The following ASTN2 variants were observed in gnomAD, a reference collection of about 807,000 sequenced individuals.
ASTN2 encodes astrotactin 2.
A neutral mutation model predicts 139.8 loss-of-function variants in ASTN2; 54 were observed. The observed-to-expected ratio is 0.39, with a 90% CI of 0.31 to 0.48. ASTN2 has a LOEUF of 0.48. Among genes scored for constraint, ASTN2 ranks in the 20% least tolerant of loss-of-function variants. The pLI, the probability that ASTN2 is intolerant of heterozygous loss-of-function variation, is 0.95. For missense variants in ASTN2, 1,565 were observed against 1,725.1 expected (o/e 0.91, Z 1.64); for synonymous variants, 756 against 719.5 (o/e 1.05, Z -0.81).
intron 16 of ASTN2, chr9:116,686,754 C>T (rs937346000): frequency 3.7e-5 from 58 of 1,550,514 alleles, no homozygotes; most frequent in Non-Finnish European, 4.2e-5. Context: ...CCTCTGCTGT[C>T]GGCCTCCCAG....
At chr9:117,088,494 C>T (rs1472978513) in intron 5 of ASTN2, among the ~76,000 whole-genome samples, 2 of 152,094 alleles carry the variant, frequency 1.3e-5, no homozygotes, top group Admixed American at 6.5e-5. Context: ...TCCTTTTCCT[C>T]GAAAACAGGA....
At chr9:116,924,919 C>G (rs1289282987) in intron 10 of ASTN2, among the ~76,000 whole-genome samples, 2 of 152,118 alleles carry the variant, frequency 1.3e-5, no homozygotes, top group African/African-American at 4.8e-5. Context: ...TTTTGCCCAG[C>G]CCCGACTCAA....
At chr9:116,813,018 T>A (rs920208289) in intron 12 of ASTN2, among the ~76,000 whole-genome samples, 2 of 152,180 alleles carry the variant, frequency 1.3e-5, no homozygotes, top group African/African-American at 4.8e-5. Context: ...TTGTTGGGTT[T>A]TTTTTAAATT....
Position 116,994,024 on chromosome 9 carries a change from GA to G in ASTN2, c.1591+14067del, listed in dbSNP as rs371087329. Among the ~76,000 whole-genome samples the G allele has an allele frequency of 5.9e-4, 89 of 151,810 alleles. 1 individual carries two copies. The highest frequency in any genetic ancestry group is 5.6e-3 in the East Asian group (29 of 5,164). ...CACATCCTGGTTAAATTGGGTGCTTGATAAATATATACTGAACGTTCAGTGA... is the reference window on the plus strand; with the variant it reads ...CACATCCTGGTTAAATTGGGTGCTTGTAAATATATACTGAACGTTCAGTGA... On this transcript the variant is annotated intron_variant, in intron 7 of 22. Transcript: ENST00000313400.
chr9:116,769,555 AAAG>A (rs1179782487), intron 13 of ASTN2, among the ~76,000 whole-genome samples: 1 of 152,310 alleles, frequency 6.6e-6, no homozygotes, highest in East Asian at 1.9e-4. Flanking sequence ...ACTTAAGTCA[AAAG>A]AAGAAGTTAT....
At chr9:116,866,262 A>T (rs892129854) in intron 10 of ASTN2, among the ~76,000 whole-genome samples, 1 of 152,224 alleles carries the variant, frequency 6.6e-6, no homozygotes, top group Non-Finnish European at 1.5e-5. Context: ...GCTTAGACGC[A>T]GTCTTCACCA....
chr9:116,696,546 A>T (rs1031423821), intron 16 of ASTN2, among the ~76,000 whole-genome samples: 1 of 152,054 alleles, frequency 6.6e-6, no homozygotes, highest in Non-Finnish European at 1.5e-5. Context: ...CCATGTATTT[A>T]TGCATCTTTC....
chr9:117,133,036 G>A (rs1285528182), intron 4 of ASTN2, among the ~76,000 whole-genome samples: 3 of 152,184 alleles, frequency 2.0e-5, no homozygotes, highest in African/African-American at 4.8e-5. Context: ...TCCTCCCTGA[G>A]TATCCATTGC....
At chr9:117,240,031 A>T (rs1343504744) in intron 2 of ASTN2, among the ~76,000 whole-genome samples, 3 of 152,246 alleles carry the variant, frequency 2.0e-5, no homozygotes, top group Admixed American at 2.0e-4. Flanking sequence ...AAATGCATTC[A>T]TTACCCCAAT....
At chr9:116,785,271 T>C (rs532470139) in intron 13 of ASTN2, among the ~76,000 whole-genome samples, 10 of 152,236 alleles carry the variant, frequency 6.6e-5, no homozygotes, top group Middle Eastern at 3.4e-3. Flanking sequence ...GGGCTCAGGC[T>C]CCTCTCTTCT....
At chr9:116,855,586 AAGT>A (rs1226030998) in intron 11 of ASTN2, among the ~76,000 whole-genome samples, 1 of 152,164 alleles carries the variant, frequency 6.6e-6, no homozygotes, top group Non-Finnish European at 1.5e-5. Flanking sequence ...AAAGAGAAGA[AAGT>A]GCCCCTCTCT....
intron 1 of ASTN2, among the ~76,000 whole-genome samples, chr9:117,308,817 T>C (rs1375881866): frequency 6.6e-6 from 1 of 152,132 alleles, no homozygotes; most frequent in Non-Finnish European, 1.5e-5. Context: ...TGTGCTGGAC[T>C]TCATAGGAGA....
chr9:117,162,015 C>A lies in ASTN2; in HGVS notation c.1016-20537G>T, dbSNP rs151336535. ...GACTCAAAGAGAGTGCATAATTTAA[C>A]TTTGTAGCTGGGTGAAAAATGGAAA... On this transcript the variant is annotated intron_variant, in intron 3 of 22. Transcript: ENST00000313400. 9.5e-4 allele frequency among the ~76,000 whole-genome samples: 145 copies of A among 152,040 alleles called. 1 individual carries two copies. The highest frequency in any genetic ancestry group is 4.5e-3 in the East Asian group (23 of 5,134).
chr9:117,105,049 G>A (rs558726489), intron 4 of ASTN2, among the ~76,000 whole-genome samples: 59 of 152,098 alleles, frequency 3.9e-4, no homozygotes, highest in Middle Eastern at 3.4e-3. Flanking sequence ...CTCCCTGTGG[G>A]ATGGTATATT....
chr9:116,430,981 A>G (rs1420745330), intron 22 of ASTN2, among the ~76,000 whole-genome samples: 1 of 152,200 alleles, frequency 6.6e-6, no homozygotes, highest in East Asian at 1.9e-4. Flanking sequence ...CGGAAATGAA[A>G]TCTTCCTCAT....
At chr9:116,487,607 A>C (rs555316048) in intron 19 of ASTN2, 107 bp from the exon 20 acceptor site, 2 of 1,116,730 alleles carry the variant, frequency 1.8e-6, no homozygotes, top group South Asian at 3.6e-5. Context: ...TATCAAGAAA[A>C]ATAATGGATA....
intron 22 of ASTN2, among the ~76,000 whole-genome samples, chr9:116,433,167 G>C (rs1473017481): frequency 6.6e-6 from 1 of 152,226 alleles, no homozygotes; most frequent in Non-Finnish European, 1.5e-5. Context: ...CAAAGAAACT[G>C]TAAGAAATCT....
intron 16 of ASTN2, 33 bp from the exon 17 acceptor site, chr9:116,651,826 T>C (rs1460006814): frequency 6.2e-7 from 1 of 1,603,840 alleles, no homozygotes; most frequent in Non-Finnish European, 8.5e-7. Context: ...GAGCGAAAGG[T>C]AAACTCAGGA....
intron 5 of ASTN2, among the ~76,000 whole-genome samples, chr9:117,081,599 G>A (rs1828429968): frequency 6.6e-6 from 1 of 152,126 alleles, no homozygotes; most frequent in Admixed American, 6.5e-5. Flanking sequence ...TGTACTAAAG[G>A]TCTCAAATAA....
Sources: gnomAD v4.1 joint callset for allele counts (sites outside exome capture counted in the v4.1 genomes callset) on GRCh38, gnomAD v4.1.1 for gene constraint, MANE v1.5 for transcripts, NCBI Gene and HGNC (gene_info 2026-07-23, HGNC 2026-07-21) for gene names.